The following DLGAP4 variants were observed in gnomAD, a reference collection of about 807,000 sequenced individuals.
DLGAP4 encodes the protein DLG associated protein 4.
DLGAP4 carries 18 observed loss-of-function variants against 86.9 expected under a neutral mutation model. That is an observed-to-expected ratio of 0.21 (90% CI 0.14 to 0.31). The LOEUF (loss-of-function observed/expected upper bound fraction) is 0.31, where lower values mean the gene tolerates loss of function less well. Ranked by LOEUF, DLGAP4 falls within the 10% of genes least tolerant of loss-of-function variation. DLGAP4 has a pLI of 1.00. For missense variants in DLGAP4, 1,085 were observed against 1,362.6 expected (o/e 0.80, Z 3.21); for synonymous variants, 548 against 574.3 (o/e 0.95, Z 0.65).
At chr20:36,513,098 C>T (rs113575453) in intron 10 of DLGAP4, among the ~76,000 whole-genome samples, 7,578 of 150,656 alleles carry the variant, frequency 0.05, 647 homozygotes, top group African/African-American at 0.17. Flanking sequence ...ACCACAGGCC[C>T]GCCGCACCTG....
intron 10 of DLGAP4, among the ~76,000 whole-genome samples, chr20:36,515,948 T>G (rs2037011781): frequency 6.6e-6 from 1 of 152,252 alleles, no homozygotes; most frequent in South Asian, 2.1e-4. Flanking sequence ...GCTTTTTTGT[T>G]TCCTTGCAGT....
At chr20:36,307,676 T>C (rs782317124) in intron 1 of DLGAP4, among the ~76,000 whole-genome samples, 7 of 151,932 alleles carry the variant, frequency 4.6e-5, no homozygotes, top group Non-Finnish European at 1.0e-4. Flanking sequence ...GGAAATGACA[T>C]AGCGGGAGGG....
At chr20:36,372,709 T>G (rs1346614562) in intron 2 of DLGAP4, among the ~76,000 whole-genome samples, 1 of 152,254 alleles carries the variant, frequency 6.6e-6, no homozygotes, top group Non-Finnish European at 1.5e-5. Context: ...GTAAGTTCAC[T>G]GCACCTTTCT....
intron 7 of DLGAP4, among the ~76,000 whole-genome samples, chr20:36,486,593 A>G (rs977018727): frequency 6.6e-6 from 1 of 152,052 alleles, no homozygotes; most frequent in Non-Finnish European, 1.5e-5. Flanking sequence ...AGCAATGTGG[A>G]TTTTATTCTG....
At chr20:36,512,664 T>C (rs2036775959) in intron 10 of DLGAP4, 1 of 152,410 alleles carries the variant, frequency 6.6e-6, no homozygotes. Context: ...GGGTCGGTGT[T>C]GCTGTTGCAT....
chr20:36,517,116 C>T (rs112809042), intron 10 of DLGAP4, among the ~76,000 whole-genome samples: 2,775 of 151,294 alleles, frequency 0.018, 80 homozygotes, highest in African/African-American at 0.063. Flanking sequence ...CAGTGCCTCA[C>T]GCCTGTAATC....
intron 10 of DLGAP4, among the ~76,000 whole-genome samples, chr20:36,519,615 G>T (rs2037252130): frequency 6.6e-6 from 1 of 152,172 alleles, no homozygotes; most frequent in Admixed American, 6.5e-5. Context: ...ACCCAGAAGT[G>T]GAATTGGTTG....
intron 2 of DLGAP4, among the ~76,000 whole-genome samples, chr20:36,406,540 C>T (rs2032328261): frequency 6.6e-6 from 1 of 152,038 alleles, no homozygotes; most frequent in African/African-American, 2.4e-5. Flanking sequence ...GTCTTGGTCA[C>T]AGGGCTGGGA....
chr20:36,424,106 G>A (rs2032908258), intron 2 of DLGAP4, among the ~76,000 whole-genome samples: 1 of 152,180 alleles, frequency 6.6e-6, no homozygotes, highest in Admixed American at 6.5e-5. Context: ...AGCTTCCCCA[G>A]GAAACAGACT....
At chr20:36,397,121 C>T (rs2032023423) in intron 2 of DLGAP4, among the ~76,000 whole-genome samples, 1 of 152,094 alleles carries the variant, frequency 6.6e-6, no homozygotes, top group Admixed American at 6.5e-5. Context: ...GGGCGGGTTC[C>T]CTTAACAGAC....
At chr20:36,476,348 G>A (rs1320618445) in intron 7 of DLGAP4, among the ~76,000 whole-genome samples, 2 of 100,780 alleles carry the variant, frequency 2.0e-5, no homozygotes, top group Non-Finnish European at 3.7e-5. Flanking sequence ...TTTTTTTGGA[G>A]ACACAGTCTC....
chr20:36,467,064 C>CTCTCTCTCTCTCTCTCTCTCTCT (rs1555907464), intron 7 of DLGAP4, among the ~76,000 whole-genome samples: 1 of 118,170 alleles, frequency 8.5e-6, no homozygotes, highest in African/African-American at 4.9e-5. Flanking sequence ...CTCTCTCTCT[C>CTCTCTCTCTCTCTCTCTCTCTCT]CCCCCCCCTT....
At chr20:36,415,664 G>C (rs921512155) in intron 2 of DLGAP4, among the ~76,000 whole-genome samples, 2 of 152,214 alleles carry the variant, frequency 1.3e-5, no homozygotes, top group Admixed American at 1.3e-4. Flanking sequence ...AGGTCACACA[G>C]CAAGTAAATG....
At chr20:36,476,173 A>G (rs2034907389) in intron 7 of DLGAP4, among the ~76,000 whole-genome samples, 1 of 151,864 alleles carries the variant, frequency 6.6e-6, no homozygotes, top group Admixed American at 6.6e-5. Flanking sequence ...TTAAGTGTGC[A>G]GTTCATTGGC....
chr20:36,472,914 C>T (rs796185357), intron 7 of DLGAP4, among the ~76,000 whole-genome samples: 12 of 152,234 alleles, frequency 7.9e-5, no homozygotes, highest in African/African-American at 1.9e-4. Flanking sequence ...GGTGGGGCCC[C>T]GCAGGGAGAG....
chr20:36,358,534 CA>C (rs1468699543), intron 1 of DLGAP4, among the ~76,000 whole-genome samples: 27 of 152,236 alleles, frequency 1.8e-4, no homozygotes, highest in Non-Finnish European at 3.5e-4. Context: ...TGGCTGGGCG[CA>C]GTGGCTCACG....
At chr20:36,504,838 T>C (rs1340125557) in intron 10 of DLGAP4, among the ~76,000 whole-genome samples, 1 of 152,228 alleles carries the variant, frequency 6.6e-6, no homozygotes, top group African/African-American at 2.4e-5. Context: ...CATTTTTTAA[T>C]TGGGTGGTTT....
At position 36,483,968 on chromosome 20, in the gene DLGAP4, C is replaced by T. The variant is rs181040788; in HGVS notation, c.1649-12737C>T. 6.0e-3 allele frequency among the ~76,000 whole-genome samples: 916 copies of T among 152,332 alleles called. 4 individuals are homozygous for T. Among genetic ancestry groups the T allele is most frequent in the South Asian group, 0.01 (49 of 4,824 alleles). On this transcript the variant is annotated intron_variant, in intron 7 of 12. Coordinates refer to ENST00000339266, the MANE Select transcript of DLGAP4 (RefSeq NM_001365621.2). Reference sequence around the variant, plus strand: ...GGCCCTGACTGGGGAACTGGCCTGGCCAGGATCTCAGCCAGGCTCTGGCAG... The same window carrying T: ...GGCCCTGACTGGGGAACTGGCCTGGTCAGGATCTCAGCCAGGCTCTGGCAG...
chr20:36,508,353 C>T (rs1328530797), intron 10 of DLGAP4: 1 of 149,932 alleles, frequency 6.7e-6, no homozygotes, highest in East Asian at 2.0e-4. Flanking sequence ...AGATCTAGTT[C>T]ATTTCTGTTA....
Sources: allele counts gnomAD v4.1 joint callset (sites outside exome capture counted in the v4.1 genomes callset), GRCh38; gene constraint gnomAD v4.1.1; transcripts MANE v1.5; gene names NCBI Gene and HGNC (gene_info 2026-07-23, HGNC 2026-07-21).